The following CEP89 variants were observed in gnomAD, a reference collection of about 807,000 sequenced individuals.
CEP89 encodes centrosomal protein of 89 kDa.
A neutral mutation model predicts 97.6 loss-of-function variants in CEP89; 95 were observed. That is an observed-to-expected ratio of 0.97 (90% CI 0.82 to 1.15). CEP89 has a LOEUF of 1.15. CEP89 is among the 50% of genes most tolerant of loss of function. The pLI, the probability that CEP89 is intolerant of heterozygous loss-of-function variation, is 0.00. For synonymous variants in CEP89, 354 were observed against 349.1 expected, an observed-to-expected ratio of 1.01 and a Z score of -0.16; for missense variants, 869 against 947.7, an observed-to-expected ratio of 0.92 and a Z score of 1.09.
At chr19:32,924,951 A>T (rs1297676515) in intron 11 of CEP89, among the ~76,000 whole-genome samples, 1 of 152,176 alleles carries the variant, frequency 6.6e-6, no homozygotes, top group Admixed American at 6.5e-5. Flanking sequence ...AGCACCAAAA[A>T]AATAATATTA....
At chr19:32,939,334 C>T (rs1351831651) in intron 6 of CEP89, among the ~76,000 whole-genome samples, 3 of 152,098 alleles carry the variant, frequency 2.0e-5, no homozygotes, top group Admixed American at 6.5e-5. Flanking sequence ...CCCTTTAATA[C>T]ATTACTTTCA....
At chr19:32,963,401 C>T (rs745938828) in intron 2 of CEP89, 13 of 152,008 alleles carry the variant, frequency 8.6e-5, no homozygotes, top group Admixed American at 3.9e-4. Context: ...AAAATAACCA[C>T]AATGAAATAC....
intron 14 of CEP89, among the ~76,000 whole-genome samples, chr19:32,907,505 G>A (rs915703902): frequency 2.0e-5 from 3 of 150,100 alleles, no homozygotes; most frequent in East Asian, 3.9e-4. Flanking sequence ...AGGCTGGAGT[G>A]CAATGGCGTG....
Position 32,966,430 on chromosome 19 carries a change from C to T in CEP89, c.76G>A (p.Val26Ile), listed in dbSNP as rs201497197. The T allele has an allele frequency of 4.2e-5, 65 of 1,561,424 alleles. No individual in the cohort carries two copies. Among genetic ancestry groups the T allele is most frequent in the African/African-American group, 2.3e-4 (17 of 72,820 alleles). ...CGTGGCACAGCTGCCTTCGGAGCAA[C>T]GCTGGCTGCAGGTAAAAGGCCATGG... ...IIHGLLPAASVAPKAAVPRTP... is the reference protein window; with the variant it reads ...IIHGLLPAASIAPKAAVPRTP... Residue 26 changes from valine (V) to isoleucine (I), a missense_variant, in exon 2 of 19, where the codon GTT becomes ATT. Val to Ile is a conservative substitution (Grantham distance 29, BLOSUM62 3). Coordinates refer to ENST00000305768, the MANE Select transcript of CEP89 (RefSeq NM_032816.5).
chr19:32,959,435 A>T (rs1028848029), intron 3 of CEP89, among the ~76,000 whole-genome samples: 1 of 152,170 alleles, frequency 6.6e-6, no homozygotes, highest in East Asian at 1.9e-4. Flanking sequence ...CAGGACAAGC[A>T]ACAAAGGAAA....
At position 32,946,104 on chromosome 19, in the gene CEP89, T is replaced by C. The variant is rs561360847; in HGVS notation, c.595+2162A>G. Among the ~76,000 whole-genome samples, 10 of 152,214 alleles carry C rather than the reference T, an allele frequency of 6.6e-5. No individual in the cohort carries two copies. In the South Asian group the frequency reaches 2.1e-3, roughly 32 times the overall value. ...GTAGGCAATCCTGTTGTTATTATTA[T>C]TATTATTTTTAGAGACAGGGTCTCA... On this transcript the variant is annotated intron_variant, in intron 5 of 18. Coordinates refer to ENST00000305768, the MANE Select transcript of CEP89 (RefSeq NM_032816.5).
chr19:32,885,680 C>T (rs1599708205), intron 17 of CEP89, among the ~76,000 whole-genome samples: 3 of 152,254 alleles, frequency 2.0e-5, no homozygotes, highest in South Asian at 4.2e-4. Context: ...CATTCTGTGT[C>T]AGTTTTCCCT....
intron 5 of CEP89, among the ~76,000 whole-genome samples, chr19:32,946,361 T>C (rs543236676): frequency 3.9e-5 from 6 of 152,178 alleles, no homozygotes; most frequent in Non-Finnish European, 5.9e-5. Flanking sequence ...TTGACTGATA[T>C]ATGCTACATC....
At chr19:32,926,852 G>T in intron 10 of CEP89, 82 bp downstream of exon 10, 1 of 1,228,964 alleles carries the variant, frequency 8.1e-7, no homozygotes, top group South Asian at 1.3e-5. Flanking sequence ...ATGAGCCACC[G>T]CGCCTGGCCT....
intron 11 of CEP89, among the ~76,000 whole-genome samples, chr19:32,925,134 C>T (rs903159575): frequency 6.6e-6 from 1 of 152,144 alleles, no homozygotes; most frequent in Admixed American, 6.5e-5. Flanking sequence ...TTAAAGGACC[C>T]TCCCAGCTCA....
intron 7 of CEP89, among the ~76,000 whole-genome samples, chr19:32,935,526 T>C (rs1484872981): frequency 6.6e-6 from 1 of 152,106 alleles, no homozygotes; most frequent in African/African-American, 2.4e-5. Context: ...AGGATACACA[T>C]CATGAAAAAT....
rs932963855 is a variant in CEP89, at chr19:32,877,145, A to C, written c.*2017T>G. On this transcript the variant is annotated 3_prime_UTR_variant, in exon 19 of 19. Coordinates refer to ENST00000305768, the MANE Select transcript of CEP89 (RefSeq NM_032816.5). ...GAGATGATACACAGTTTTCAATCCC[A>C]GTGAGTCTTTCTACCGCTTGTAAAA... is the stretch of plus-strand genomic sequence containing the variant. The C allele has an allele frequency of 1.4e-4, 22 of 152,338 alleles. No homozygotes were observed. Among genetic ancestry groups the C allele is most frequent in the Admixed American group, 2.0e-4 (3 of 15,304 alleles). The allele number at this position is 152,338 out of a possible 1,614,324, so 9.4% of individuals were successfully genotyped here.
chr19:32,931,371 A>G (rs1259979456), intron 9 of CEP89, 58 bp downstream of exon 9: 7 of 1,453,098 alleles, frequency 4.8e-6, no homozygotes, highest in African/African-American at 2.9e-5. Flanking sequence ...TTGGAAATCA[A>G]TTCAACAGTA....
In CEP89 at chr19:32,932,443, A is replaced by C. The variant is rs576403148; in HGVS notation, c.887-872T>G. ...ATATAAATAGAAAAAGGTATAGAGA[A>C]AATATTGGTGAATATTTATATAACC... On this transcript the variant is annotated intron_variant, in intron 8 of 18. Transcript: ENST00000305768. 8.5e-5 allele frequency among the ~76,000 whole-genome samples: 13 copies of C among 152,278 alleles called. No homozygotes were observed. The South Asian group carries it at 2.5e-3, about 29-fold the overall frequency.
intron 5 of CEP89, among the ~76,000 whole-genome samples, chr19:32,948,057 T>C (rs1354054047): frequency 1.3e-5 from 2 of 152,194 alleles, no homozygotes; most frequent in African/African-American, 4.8e-5. Context: ...TCCTCCAGCC[T>C]TGGCCTTCCA....
intron 1 of CEP89, chr19:32,969,254 T>A (rs1402076842): frequency 6.6e-6 from 1 of 152,492 alleles, no homozygotes; most frequent in Admixed American, 6.5e-5. Context: ...ACCATCTTCA[T>A]CCTCTGGCTA....
chr19:32,954,158 C>A (rs951786254), intron 3 of CEP89, among the ~76,000 whole-genome samples: 6 of 152,024 alleles, frequency 3.9e-5, no homozygotes, highest in African/African-American at 1.5e-4. Flanking sequence ...CAGGCGTGAG[C>A]CACTGTGCCC....
rs34340476 is a variant in CEP89, at chr19:32,959,046, CAAA to C, written c.305+851_305+853del. ...ACAAAACAAAACAAAACAAACAAAA[CAAA>C]AAAAAAAAAAACAGACAAATGTGAT... On this transcript the variant is annotated intron_variant, in intron 3 of 18. Coordinates refer to ENST00000305768, the MANE Select transcript of CEP89 (RefSeq NM_032816.5). Among the ~76,000 whole-genome samples, 457 of 102,428 alleles carry C rather than the reference CAAA, an allele frequency of 4.5e-3. 5 individuals carry two copies. Among genetic ancestry groups the C allele is most frequent in the African/African-American group, 0.014 (419 of 29,272 alleles). 67.2% of individuals were successfully genotyped at this position (102,428 alleles called of 152,430 possible). A position where few individuals can be genotyped will look rare whatever the true frequency, so the allele number is the denominator to read the frequency against.
intron 17 of CEP89, among the ~76,000 whole-genome samples, chr19:32,887,372 C>G (rs1274420096): frequency 1.3e-5 from 2 of 151,920 alleles, no homozygotes; most frequent in Admixed American, 1.3e-4. Context: ...CAAGCACCAC[C>G]ATGCCTGGCT....
Sources: allele counts gnomAD v4.1 joint callset (sites outside exome capture counted in the v4.1 genomes callset), GRCh38; gene constraint gnomAD v4.1.1; transcripts MANE v1.5; gene names NCBI Gene and HGNC (gene_info 2026-07-23, HGNC 2026-07-21).